Variants in PCDHGA6 observed in about 807,000 individuals in gnomAD.
PCDHGA6 encodes the protein protocadherin gamma-A6.
A neutral mutation model predicts 60.6 loss-of-function variants in PCDHGA6; 41 were observed. The observed-to-expected ratio is 0.68, with a 90% CI of 0.53 to 0.88. PCDHGA6 has a LOEUF of 0.88. Ranked by LOEUF, PCDHGA6 falls within the 40% of genes least tolerant of loss-of-function variation. PCDHGA6 has a pLI of 0.00. For synonymous variants in PCDHGA6, 594 were observed against 524.4 expected, an observed-to-expected ratio of 1.13 and a Z score of -1.81; for missense variants, 1,312 against 1,203.0, an observed-to-expected ratio of 1.09 and a Z score of -1.34.
At chr5:141,455,375 G>A (rs1247820974) in intron 1 of PCDHGA6, among the ~76,000 whole-genome samples, 1 of 152,132 alleles carries the variant, frequency 6.6e-6, no homozygotes, top group Non-Finnish European at 1.5e-5. Context: ...GAAGGGAGAA[G>A]ACAGAAGGAA....
At chr5:141,404,436 C>A in intron 1 of PCDHGA6, 1 of 1,612,704 alleles carries the variant, frequency 6.2e-7, no homozygotes, top group Non-Finnish European at 8.5e-7. Flanking sequence ...GCAGAGGATA[C>A]CATCCAAGGG....
Position 141,458,007 on chromosome 5 carries a change from C to T in PCDHGA6, c.2425-36800C>T, listed in dbSNP as rs142050242. Among the ~76,000 whole-genome samples the T allele has an allele frequency of 1.3e-3, 200 of 152,274 alleles. 1 individual carries two copies. The East Asian group carries it at 0.032, about 24-fold the overall frequency. ...TCAGTTAAAGCCTTGGCAAAATAAC[C>T]GGTTTTTCCAATTGTGTTCTGTTGA... On this transcript the variant is annotated intron_variant, in intron 1 of 3. Transcript: ENST00000517434.
chr5:141,453,144 C>T lies in PCDHGA6; in HGVS notation c.2425-41663C>T, dbSNP rs530175947. ...TTGTTTTGTTTTTGAGATAGGGTCT[C>T]GCTATGTCACCCAGGCTGGAGTCCA... On this transcript the variant is annotated intron_variant, in intron 1 of 3. Transcript: ENST00000517434. Among the ~76,000 whole-genome samples, 290 of 152,062 alleles carry T rather than the reference C, an allele frequency of 1.9e-3. 1 individual carries two copies. The highest frequency in any genetic ancestry group is 6.3e-3 in the African/African-American group (260 of 41,478).
Position 141,510,363 on chromosome 5 carries a change from G to A in PCDHGA6, c.2573-584G>A, listed in dbSNP as rs973832487. Among the ~76,000 whole-genome samples the A allele has an allele frequency of 7.8e-5, 11 of 141,564 alleles. No individual in the cohort carries two copies. In the East Asian group the frequency reaches 1.6e-3, roughly 21 times the overall value. 92.9% of individuals were successfully genotyped at this position (141,564 alleles called of 152,430 possible). The stretch of plus-strand genomic sequence containing the variant: ...CCACACACTTACTAACGGAACTACC[G>A]AATCTCTACTCGTGCCAGGCCTTGC... On this transcript the variant is annotated intron_variant, in intron 3 of 3. Coordinates refer to ENST00000517434, the MANE Select transcript of PCDHGA6 (RefSeq NM_018919.3).
Position 141,477,388 on chromosome 5 carries a change from C to T in PCDHGA6, c.2425-17419C>T. The T allele has an allele frequency of 6.2e-7, 1 of 1,614,136 alleles. No homozygotes were observed. The highest frequency in any genetic ancestry group is 8.5e-7 in the Non-Finnish European group (1 of 1,180,014). On this transcript the variant is annotated intron_variant, in intron 1 of 3. Transcript: ENST00000517434. The surrounding 1 kb of genome is among the most constrained non-coding windows in gnomAD (Gnocchi z 4.9). Reference sequence around the variant, plus strand: ...ATCGGGAGACTGTGCCAGAATACAACCTCAGCATCACCGCCCGAGACGCCG... The same window carrying T: ...ATCGGGAGACTGTGCCAGAATACAATCTCAGCATCACCGCCCGAGACGCCG...
At chr5:141,399,380 T>A (rs1361218028) in intron 1 of PCDHGA6, 5 of 1,613,820 alleles carry the variant, frequency 3.1e-6, no homozygotes, top group Non-Finnish European at 4.2e-6. Context: ...AATGTCACCA[T>A]CACAGCCACA....
chr5:141,405,010 CT>C (rs2094596164), intron 1 of PCDHGA6: 3 of 1,614,014 alleles, frequency 1.9e-6, no homozygotes, highest in Non-Finnish European at 2.5e-6. Context: ...ACCTGGAGGC[CT>C]CAGACCTTAC....
rs772444495 is a variant in PCDHGA6 at position 141,491,766 on chromosome 5, T to C, written c.2425-3041T>C. 14 of 1,567,738 alleles carry C rather than the reference T, an allele frequency of 8.9e-6. No homozygotes were observed. The African/African-American group carries it at 1.6e-4, about 18-fold the overall frequency. ...GCACTGGAGAAGCCGCCCGTCCTCA[T>C]AAGGGATTGAACTTGCATCCACTCC... On this transcript the variant is annotated intron_variant, in intron 1 of 3. Coordinates refer to ENST00000517434, the MANE Select transcript of PCDHGA6 (RefSeq NM_018919.3). The surrounding 1 kb of genome is among the most constrained non-coding windows in gnomAD (Gnocchi z 6.9).
At chr5:141,463,803 A>G (rs975202568) in intron 1 of PCDHGA6, among the ~76,000 whole-genome samples, 1 of 152,150 alleles carries the variant, frequency 6.6e-6, no homozygotes, top group Non-Finnish European at 1.5e-5. Flanking sequence ...AATGTCTAAA[A>G]GCTTTTATCA....
chr5:141,440,793 C>T (rs1448130354), intron 1 of PCDHGA6: 1 of 152,124 alleles, frequency 6.6e-6, no homozygotes, highest in Non-Finnish European at 1.5e-5. Context: ...TAGACGGCCC[C>T]CCAACAAAGC....
chr5:141,388,812 G>A, intron 1 of PCDHGA6: 3 of 1,613,934 alleles, frequency 1.9e-6, no homozygotes, highest in Non-Finnish European at 2.5e-6. Context: ...TTTTGAAGAA[G>A]TCAAAGAATA....
rs376661062 is a variant in PCDHGA6, at chr5:141,432,185, G to T, written c.2424+55678G>T. 6.2e-6 allele frequency: 10 copies of T among 1,613,956 alleles called. No individual in the cohort carries two copies. The highest frequency in any genetic ancestry group is 8.5e-6 in the Non-Finnish European group (10 of 1,180,030). ...AGGAGTTTCCCTCGTCTCTGTGACC[G>T]CCCACGACCCCGACTGTGAAGAGAA... On this transcript the variant is annotated intron_variant, in intron 1 of 3. Coordinates refer to ENST00000517434, the MANE Select transcript of PCDHGA6 (RefSeq NM_018919.3). The surrounding 1 kb of genome is among the most constrained non-coding windows in gnomAD (Gnocchi z 6.0).
chr5:141,409,756 C>G, intron 1 of PCDHGA6: 1 of 1,612,994 alleles, frequency 6.2e-7, no homozygotes, highest in Non-Finnish European at 8.5e-7. Context: ...TCGCGCAGCG[C>G]GCCTTTGATC....
intron 1 of PCDHGA6, chr5:141,478,686 GA>G (rs2099472024): frequency 6.4e-7 from 1 of 1,551,134 alleles, no homozygotes; most frequent in South Asian, 1.2e-5. Context: ...GCCCTTCCTA[GA>G]TCAAAGTTAG....
intron 1 of PCDHGA6, chr5:141,400,304 G>T: frequency 6.2e-7 from 1 of 1,614,048 alleles, no homozygotes; most frequent in African/African-American, 1.3e-5. Context: ...TTCCAACCTG[G>T]TCTCTGTGTC....
intron 1 of PCDHGA6, chr5:141,382,716 C>A (rs11575956): frequency 2.0e-6 from 1 of 488,008 alleles, no homozygotes; most frequent in Non-Finnish European, 3.5e-6. Context: ...CAGAAACCAC[C>A]GAGTTTTACA....
intron 2 of PCDHGA6, among the ~76,000 whole-genome samples, chr5:141,504,968 C>A (rs1377016827): frequency 1.3e-5 from 2 of 152,206 alleles, no homozygotes; most frequent in East Asian, 3.9e-4. Context: ...ATTGGACCAG[C>A]CTGGCCAACA....
At chr5:141,414,088 A>G in intron 1 of PCDHGA6, 3 of 1,599,384 alleles carry the variant, frequency 1.9e-6, no homozygotes, top group Non-Finnish European at 8.5e-7. Context: ...TACTGGAGAA[A>G]TAAAAATATC....
At chr5:141,430,915 G>A (rs565034370) in intron 1 of PCDHGA6, 2 of 1,607,738 alleles carry the variant, frequency 1.2e-6, no homozygotes, top group East Asian at 4.5e-5. Context: ...CCAGGGACCT[G>A]GGGCTGGAGC....
Sources: gnomAD v4.1 joint callset for allele counts (sites outside exome capture counted in the v4.1 genomes callset) on GRCh38, gnomAD v4.1.1 for gene constraint, Gnocchi (gnomAD v3.1) non-coding constraint, MANE v1.5 for transcripts, NCBI Gene and HGNC (gene_info 2026-07-23, HGNC 2026-07-21) for gene names.